PCDH9: variants seen among roughly 807,000 people sequenced by gnomAD.
PCDH9 encodes the protein protocadherin-9.
PCDH9 carries 24 observed loss-of-function variants against 70.6 expected under a neutral mutation model. That is an observed-to-expected ratio of 0.34 (90% CI 0.25 to 0.48). The LOEUF is 0.48. Among genes scored for constraint, PCDH9 ranks in the 20% least tolerant of loss-of-function variants. PCDH9 has a pLI of 0.99. For synonymous variants in PCDH9, 562 were observed against 558.5 expected (o/e 1.01, Z -0.09); for missense variants, 1,281 against 1,503.6 (o/e 0.85, Z 2.45).
At chr13:66,514,331 G>C (rs1002207594) in intron 4 of PCDH9, among the ~76,000 whole-genome samples, 1 of 152,002 alleles carries the variant, frequency 6.6e-6, no homozygotes, top group Non-Finnish European at 1.5e-5. Context: ...CCTTGTTGCA[G>C]AGACATAGAC....
intron 4 of PCDH9, among the ~76,000 whole-genome samples, chr13:66,598,245 A>G (rs959978862): frequency 2.6e-5 from 4 of 151,808 alleles, no homozygotes; most frequent in African/African-American, 7.2e-5. Context: ...TCTATCCAGA[A>G]AAATTGAATT....
intron 4 of PCDH9, among the ~76,000 whole-genome samples, chr13:66,513,194 G>GTTT (rs34958236): frequency 5.4e-4 from 74 of 136,590 alleles, no homozygotes; most frequent in East Asian, 1.2e-3. Flanking sequence ...AATAACACGT[G>GTTT]TTTTTTTTTT....
At chr13:66,419,267 T>A (rs1957519585) in intron 4 of PCDH9, among the ~76,000 whole-genome samples, 1 of 151,958 alleles carries the variant, frequency 6.6e-6, no homozygotes, top group Admixed American at 6.6e-5. Context: ...TTCAGGCCAA[T>A]ATCCCTGATG....
rs1314315377 is a variant in PCDH9, at chr13:66,441,501, G to A, written c.3341-136473C>T. Among the ~76,000 whole-genome samples, 4 of 152,026 alleles carry A rather than the reference G, an allele frequency of 2.6e-5. No homozygotes were observed. In the East Asian group the frequency reaches 5.8e-4, roughly 22 times the overall value. On this transcript the variant is annotated intron_variant, in intron 4 of 4. Transcript: ENST00000377865. ...GCAAGATAAGTATTAAATAAATTCT[G>A]TTATTCTAACAGAATTGATTTTTCT...
At chr13:66,318,418 T>G (rs1955693163) in intron 4 of PCDH9, among the ~76,000 whole-genome samples, 1 of 152,166 alleles carries the variant, frequency 6.6e-6, no homozygotes, top group African/African-American at 2.4e-5. Context: ...TGTTGCCATA[T>G]TTATCACAGA....
intron 4 of PCDH9, among the ~76,000 whole-genome samples, chr13:66,421,450 G>T (rs1393446691): frequency 2.0e-5 from 3 of 152,112 alleles, no homozygotes; most frequent in Non-Finnish European, 4.4e-5. Flanking sequence ...ACCCACAAAG[G>T]GAAGCCCATC....
At chr13:66,423,517 G>A (rs1343669206) in intron 4 of PCDH9, among the ~76,000 whole-genome samples, 1 of 152,072 alleles carries the variant, frequency 6.6e-6, no homozygotes, top group Admixed American at 6.6e-5. Context: ...TGCAAGGCTG[G>A]TTAACATATG....
intron 3 of PCDH9, among the ~76,000 whole-genome samples, chr13:66,866,351 G>C (rs1008074712): frequency 6.6e-6 from 1 of 152,020 alleles, no homozygotes; most frequent in Non-Finnish European, 1.5e-5. Flanking sequence ...GCATGGTGGC[G>C]GGCGCCTGTA....
intron 4 of PCDH9, among the ~76,000 whole-genome samples, chr13:66,540,669 G>A (rs752653008): frequency 2.0e-5 from 3 of 152,156 alleles, no homozygotes; most frequent in South Asian, 2.1e-4. Context: ...AGAAGGGTAC[G>A]TAGTGTACGC....
intron 4 of PCDH9, among the ~76,000 whole-genome samples, chr13:66,579,680 A>C (rs1450233163): frequency 6.6e-6 from 1 of 152,068 alleles, no homozygotes; most frequent in Non-Finnish European, 1.5e-5. Context: ...CCATCCAATA[A>C]AAAGATTTGA....
At chr13:66,528,669 C>T (rs1960314701) in intron 4 of PCDH9, among the ~76,000 whole-genome samples, 1 of 152,086 alleles carries the variant, frequency 6.6e-6, no homozygotes, top group Non-Finnish European at 1.5e-5. Context: ...ATTACTTCAG[C>T]ACAGCAATTG....
intron 4 of PCDH9, among the ~76,000 whole-genome samples, chr13:66,462,419 A>C (rs530955917): frequency 6.6e-6 from 1 of 151,904 alleles, no homozygotes; most frequent in South Asian, 2.1e-4. Flanking sequence ...TTGGAACATA[A>C]GTTGTTTGCC....
At chr13:66,395,763 A>G (rs1008681159) in intron 4 of PCDH9, among the ~76,000 whole-genome samples, 1 of 152,208 alleles carries the variant, frequency 6.6e-6, no homozygotes, top group East Asian at 1.9e-4. Context: ...TGCACTTGAC[A>G]GGTATAGTAT....
intron 4 of PCDH9, among the ~76,000 whole-genome samples, chr13:66,417,475 C>T (rs11620290): frequency 1.3e-3 from 201 of 152,180 alleles, no homozygotes; most frequent in Non-Finnish European, 2.5e-3. Context: ...GTGAATAGTG[C>T]CATAATAAAC....
chr13:66,467,382 A>G (rs966559131), intron 4 of PCDH9, among the ~76,000 whole-genome samples: 1 of 152,042 alleles, frequency 6.6e-6, no homozygotes, highest in Non-Finnish European at 1.5e-5. Flanking sequence ...CTCCATGCAT[A>G]GTCAGGTACC....
intron 4 of PCDH9, among the ~76,000 whole-genome samples, chr13:66,348,675 ATTT>A (rs59340641): frequency 3.7e-5 from 5 of 136,100 alleles, no homozygotes; most frequent in African/African-American, 1.4e-4. Context: ...GCTATTTGCC[ATTT>A]TTTTTTTTTT....
chr13:66,361,065 C>A (rs1473206289), intron 4 of PCDH9, among the ~76,000 whole-genome samples: 1 of 152,194 alleles, frequency 6.6e-6, no homozygotes, highest in Non-Finnish European at 1.5e-5. Context: ...ATGTAATCTG[C>A]ATAATAACAT....
At chr13:66,342,388 T>A (rs950971100) in intron 4 of PCDH9, among the ~76,000 whole-genome samples, 7 of 152,232 alleles carry the variant, frequency 4.6e-5, no homozygotes, top group Non-Finnish European at 1.0e-4. Context: ...GATGGGCAAC[T>A]ATAATAATCA....
At chr13:67,193,448 C>T (rs1388007421) in intron 2 of PCDH9, among the ~76,000 whole-genome samples, 1 of 151,682 alleles carries the variant, frequency 6.6e-6, no homozygotes, top group Non-Finnish European at 1.5e-5. Context: ...TTTTTTTTCT[C>T]TAATCAGGTT....
Sources: gnomAD v4.1 joint callset for allele counts (sites outside exome capture counted in the v4.1 genomes callset) on GRCh38, gnomAD v4.1.1 for gene constraint, MANE v1.5 for transcripts, NCBI Gene and HGNC (gene_info 2026-07-23, HGNC 2026-07-21) for gene names.